Variants in STK3 observed in about 807,000 individuals in gnomAD.
The protein encoded by STK3 is serine/threonine kinase 3.
A neutral mutation model predicts 58.0 loss-of-function variants in STK3; 41 were observed. The observed-to-expected ratio is 0.71, with a 90% confidence interval of 0.55 to 0.92. The LOEUF (loss-of-function observed/expected upper bound fraction) is 0.92, where lower values mean the gene tolerates loss of function less well. Among genes scored for constraint, STK3 ranks in the 40% least tolerant of loss-of-function variants. The probability of loss-of-function intolerance (pLI) is 0.00; values close to 1 mark genes in which losing one functional copy is unlikely to be tolerated. For missense variants in STK3, 479 were observed against 602.7 expected, an observed-to-expected ratio of 0.79 and a Z score of 2.15; for synonymous variants, 170 against 191.0, an observed-to-expected ratio of 0.89 and a Z score of 0.91.
At chr8:98,580,827 C>CA (rs543556650) in intron 7 of STK3, among the ~76,000 whole-genome samples, 2 of 151,564 alleles carry the variant, frequency 1.3e-5, no homozygotes, top group Non-Finnish European at 2.9e-5. Context: ...TATTTAAAGA[C>CA]AAAAAAAATT....
intron 10 of STK3, among the ~76,000 whole-genome samples, chr8:98,468,658 C>T (rs140173492): frequency 5.9e-5 from 9 of 152,222 alleles, no homozygotes; most frequent in African/African-American, 2.2e-4. Context: ...AACATAAGTC[C>T]TGCTAGTTAT....
At chr8:98,836,067 G>T (rs947810714) in intron 3 of STK3, among the ~76,000 whole-genome samples, 1 of 152,148 alleles carries the variant, frequency 6.6e-6, no homozygotes, top group Non-Finnish European at 1.5e-5. Context: ...CGGGCGCAGT[G>T]GTGGGCGCCT....
At chr8:98,500,439 T>C (rs567213676) in intron 10 of STK3, among the ~76,000 whole-genome samples, 10 of 152,306 alleles carry the variant, frequency 6.6e-5, no homozygotes, top group African/African-American at 2.2e-4. Flanking sequence ...GGTATACATG[T>C]GCCATGTTGG....
At chr8:98,621,174 T>C (rs1818278061) in intron 6 of STK3, among the ~76,000 whole-genome samples, 1 of 152,146 alleles carries the variant, frequency 6.6e-6, no homozygotes, top group South Asian at 2.1e-4. Context: ...TCTCCTGACC[T>C]CGTGATCCGC....
chr8:98,493,973 T>C (rs1822915003), intron 10 of STK3, among the ~76,000 whole-genome samples: 2 of 152,238 alleles, frequency 1.3e-5, no homozygotes, highest in Non-Finnish European at 2.9e-5. Flanking sequence ...TGTCCCCTAA[T>C]ATCAATTTCA....
rs1168413421 is a variant in STK3 at position 98,617,344 on chromosome 8, C to G, written c.685-21175G>C. ...AGAGGGAAATTTATAGCACTAAATG[C>G]CCACAAGAGAAAGCAGGAAAGATCC... is the stretch of plus-strand genomic sequence containing the variant. On this transcript the variant is annotated intron_variant, in intron 6 of 10. Transcript: ENST00000419617. 1.4e-5 allele frequency among the ~76,000 whole-genome samples: 2 copies of G among 139,652 alleles called. 1 individual carries two copies. The highest frequency in any genetic ancestry group is 7.1e-3 in the Middle Eastern group (2 of 282). The allele number at this position is 139,652 out of a possible 152,430, so 91.6% of individuals were successfully genotyped here.
At chr8:98,768,711 A>C (rs925001527) in intron 2 of STK3, among the ~76,000 whole-genome samples, 1 of 152,258 alleles carries the variant, frequency 6.6e-6, no homozygotes, top group Non-Finnish European at 1.5e-5. Context: ...GAGAAGCTGC[A>C]ATCCCCACTT....
intron 6 of STK3, among the ~76,000 whole-genome samples, chr8:98,638,102 T>G (rs1819755119): frequency 6.6e-6 from 1 of 152,190 alleles, no homozygotes; most frequent in Admixed American, 6.6e-5. Context: ...AAAGTTATAA[T>G]GTAACTAAGT....
chr8:98,697,586 T>A (rs2131001057), intron 6 of STK3, among the ~76,000 whole-genome samples: 1 of 152,326 alleles, frequency 6.6e-6, no homozygotes, highest in South Asian at 2.1e-4. Flanking sequence ...TCAAAGAACA[T>A]CCTTATTTCT....
chr8:98,873,842 A>G (rs1405154358), intron 3 of STK3, among the ~76,000 whole-genome samples: 2 of 152,102 alleles, frequency 1.3e-5, no homozygotes, highest in Non-Finnish European at 2.9e-5. Context: ...GCCCATTTAC[A>G]TTTAAGGTTA....
chr8:98,632,111 C>T (rs547121733), intron 6 of STK3, among the ~76,000 whole-genome samples: 1 of 152,260 alleles, frequency 6.6e-6, no homozygotes, highest in East Asian at 1.9e-4. Context: ...ATACCAAAGC[C>T]TTTCTGAGGG....
In STK3 at chr8:98,596,337, T is replaced by G. The variant is rs552472303; in HGVS notation, c.685-168A>C. 1.2e-5 allele frequency: 8 copies of G among 645,888 alleles called. No individual in the cohort carries two copies. The South Asian group carries it at 2.3e-4, about 18-fold the overall frequency. The allele number at this position is 645,888 out of a possible 1,614,324, so 40.0% of individuals were successfully genotyped here. On this transcript the variant is annotated intron_variant, in intron 6 of 10. Transcript: ENST00000419617. ...TTCAGGAAGCCAGTCCATCTGCTAC[T>G]AATGTAATCATTTCCCATTAAATTT... is the stretch of plus-strand genomic sequence containing the variant.
intron 6 of STK3, among the ~76,000 whole-genome samples, chr8:98,599,273 TA>T (rs1816114952): frequency 6.6e-6 from 1 of 152,184 alleles, no homozygotes; most frequent in South Asian, 2.1e-4. Flanking sequence ...ACAAGCTAAA[TA>T]AAATTTTAAA....
At chr8:98,677,468 A>G (rs1053218832) in intron 6 of STK3, among the ~76,000 whole-genome samples, 1 of 151,750 alleles carries the variant, frequency 6.6e-6, no homozygotes, top group Middle Eastern at 3.4e-3. Context: ...ATGACCTCCA[A>G]TCTGATAACC....
intron 1 of STK3, among the ~76,000 whole-genome samples, chr8:98,790,028 CAA>C (rs530630466): frequency 1.1e-5 from 1 of 88,710 alleles, no homozygotes; most frequent in African/African-American, 4.4e-5. Context: ...GACTTCATCT[CAA>C]AAAAAAAAAA....
intron 10 of STK3, among the ~76,000 whole-genome samples, chr8:98,461,585 G>A (rs570475579): frequency 1.3e-5 from 2 of 152,250 alleles, no homozygotes; most frequent in South Asian, 2.1e-4. Context: ...GGCCTTGTGA[G>A]TTTTACGCTT....
intron 6 of STK3, among the ~76,000 whole-genome samples, chr8:98,652,917 G>T (rs1223328069): frequency 6.6e-6 from 1 of 152,148 alleles, no homozygotes; most frequent in African/African-American, 2.4e-5. Context: ...ACATTAGACA[G>T]ATCAACCAGA....
chr8:98,751,715 G>A (rs771886120), intron 3 of STK3, among the ~76,000 whole-genome samples: 2 of 152,166 alleles, frequency 1.3e-5, no homozygotes, highest in Non-Finnish European at 2.9e-5. Context: ...CACTTTGAGA[G>A]GATCACTTGA....
rs1313347127 is a variant in STK3 at position 98,712,589 on chromosome 8, C to T, written c.352-5278G>A. Among the ~76,000 whole-genome samples, 4 of 151,632 alleles carry T rather than the reference C, an allele frequency of 2.6e-5. No homozygotes were observed. The South Asian group carries it at 6.3e-4, about 24-fold the overall frequency. ...AATTCAACAAGAAGAGCTAACTATCCTAAATATATATGCACCCAATACAGG... is the reference window on the plus strand; with the variant it reads ...AATTCAACAAGAAGAGCTAACTATCTTAAATATATATGCACCCAATACAGG... On this transcript the variant is annotated intron_variant, in intron 4 of 10. Transcript: ENST00000419617.
Sources: allele counts gnomAD v4.1 joint callset (sites outside exome capture counted in the v4.1 genomes callset), GRCh38; gene constraint gnomAD v4.1.1; transcripts MANE v1.5; gene names NCBI Gene and HGNC (gene_info 2026-07-23, HGNC 2026-07-21).